The following SCHIP1 variants were observed in gnomAD, a reference collection of about 807,000 sequenced individuals.
The protein encoded by SCHIP1 is schwannomin interacting protein 1.
A neutral mutation model predicts 29.7 loss-of-function variants in SCHIP1; 8 were observed. The ratio of observed to expected loss-of-function variants is 0.27; its 90% CI spans 0.16 to 0.49. The LOEUF is 0.49. Ranked by LOEUF, SCHIP1 falls within the 20% of genes least tolerant of loss-of-function variation. SCHIP1 has a pLI of 0.99. For missense variants in SCHIP1, 193 were observed against 294.6 expected, an observed-to-expected ratio of 0.66 and a Z score of 2.52; for synonymous variants, 76 against 94.9, an observed-to-expected ratio of 0.80 and a Z score of 1.16.
At chr3:159,834,536 C>T in the SCHIP1 span, among the ~76,000 whole-genome samples, 4 of 152,152 alleles carry the variant, frequency 2.6e-5, no homozygotes, top group African/African-American at 9.7e-5. Flanking sequence ...TTGAGGAAAA[C>T]ACTTTGTGTT....
At chr3:159,704,444 A>T in the SCHIP1 span, among the ~76,000 whole-genome samples, 2 of 144,582 alleles carry the variant, frequency 1.4e-5, no homozygotes, top group Admixed American at 1.4e-4. Flanking sequence ...AAAAAAAAAA[A>T]TTGCACTAGA....
the SCHIP1 span, among the ~76,000 whole-genome samples, chr3:159,385,040 T>A: frequency 6.6e-6 from 1 of 152,182 alleles, no homozygotes; most frequent in Non-Finnish European, 1.5e-5. Flanking sequence ...CTATCAATTT[T>A]GTTGATCCTT....
At chr3:159,473,674 G>GAAAAAAAAAAAAAAAAACAAAA in the SCHIP1 span, among the ~76,000 whole-genome samples, 1 of 81,446 alleles carries the variant, frequency 1.2e-5, no homozygotes, top group African/African-American at 4.7e-5. Flanking sequence ...ATGTAACTAC[G>GAAAAAAAAAAAAAAAAACAAAA]AAAAAAAAAA....
the SCHIP1 span, among the ~76,000 whole-genome samples, chr3:159,735,423 T>G: frequency 6.6e-6 from 1 of 151,880 alleles, no homozygotes; most frequent in African/African-American, 2.4e-5. Context: ...GAGATGGGGA[T>G]TTTACCATGT....
At chr3:159,495,747 G>T in the SCHIP1 span, among the ~76,000 whole-genome samples, 1 of 152,086 alleles carries the variant, frequency 6.6e-6, no homozygotes, top group East Asian at 1.9e-4. Context: ...CACAGAATTG[G>T]AAAAAACTAC....
chr3:159,400,482 G>A, the SCHIP1 span, among the ~76,000 whole-genome samples: 1 of 152,160 alleles, frequency 6.6e-6, no homozygotes, highest in African/African-American at 2.4e-5. Context: ...CTGTAAAATT[G>A]TATTATTATC....
At chr3:159,287,151 T>G in the SCHIP1 span, among the ~76,000 whole-genome samples, 1 of 152,104 alleles carries the variant, frequency 6.6e-6, no homozygotes, top group Non-Finnish European at 1.5e-5. Context: ...CCAGGTCCTA[T>G]GTTCAGAATG....
the SCHIP1 span, among the ~76,000 whole-genome samples, chr3:159,830,229 C>G: frequency 3.9e-5 from 6 of 152,174 alleles, no homozygotes; most frequent in Admixed American, 2.0e-4. Flanking sequence ...ATAAATTCTG[C>G]TTTCTCTTTT....
chr3:159,556,832 T>TG, the SCHIP1 span, among the ~76,000 whole-genome samples: 1 of 149,292 alleles, frequency 6.7e-6, no homozygotes, highest in African/African-American at 2.5e-5. Flanking sequence ...GACGAGTTAA[T>TG]GGTGCAGCAC....
chr3:159,452,381 A>G, the SCHIP1 span, among the ~76,000 whole-genome samples: 2 of 152,042 alleles, frequency 1.3e-5, no homozygotes, highest in Non-Finnish European at 1.5e-5. Context: ...ACTCCCACTT[A>G]TAAGTGAGAA....
At chr3:159,885,976 G>T (rs1169970859) in intron 2 of SCHIP1, among the ~76,000 whole-genome samples, 1 of 152,172 alleles carries the variant, frequency 6.6e-6, no homozygotes, top group Non-Finnish European at 1.5e-5. Flanking sequence ...CTAACATGGG[G>T]CCTTAAATTA....
chr3:159,288,634 A>C, the SCHIP1 span, among the ~76,000 whole-genome samples: 1 of 152,204 alleles, frequency 6.6e-6, no homozygotes, highest in Admixed American at 6.5e-5. Context: ...CTACTCAGGA[A>C]GGCTGAGGCA....
the SCHIP1 span, among the ~76,000 whole-genome samples, chr3:159,524,276 T>C: frequency 6.6e-5 from 10 of 152,384 alleles, no homozygotes; most frequent in South Asian, 1.9e-3. Context: ...CAGTGAGTGC[T>C]TATTTCTTCA....
the SCHIP1 span, among the ~76,000 whole-genome samples, chr3:159,650,823 G>C: frequency 6.6e-6 from 1 of 152,122 alleles, no homozygotes; most frequent in Non-Finnish European, 1.5e-5. Context: ...ATGATATTTT[G>C]TTAGGTATGT....
upstream of SCHIP1, among the ~76,000 whole-genome samples, chr3:159,838,079 A>C (rs887209405): frequency 3.3e-5 from 5 of 152,152 alleles, no homozygotes; most frequent in African/African-American, 1.2e-4. Context: ...GAAGCCTCTG[A>C]GGATACCAGG....
the SCHIP1 span, among the ~76,000 whole-genome samples, chr3:159,397,597 T>G: frequency 1.3e-5 from 2 of 152,154 alleles, no homozygotes; most frequent in Non-Finnish European, 2.9e-5. Context: ...GTGTCAATCT[T>G]CCCCTGCTGG....
the SCHIP1 span, among the ~76,000 whole-genome samples, chr3:159,553,185 T>G: frequency 6.6e-6 from 1 of 151,800 alleles, no homozygotes; most frequent in Non-Finnish European, 1.5e-5. Flanking sequence ...TTTAGCCAGA[T>G]TTTGAAAGCA....
intron 6 of SCHIP1, among the ~76,000 whole-genome samples, chr3:159,894,920 G>C (rs1362739125): frequency 6.6e-6 from 1 of 152,150 alleles, no homozygotes; most frequent in Non-Finnish European, 1.5e-5. Flanking sequence ...TGTGCCATCT[G>C]CTCTTCTTTC....
rs570391251 is a variant in SCHIP1 at position 159,892,217 on chromosome 3, G to T, written c.683+27G>T. 4 of 1,613,636 alleles carry T rather than the reference G, an allele frequency of 2.5e-6. No homozygotes were observed. In the Admixed American group the frequency reaches 5.0e-5, roughly 20 times the overall value. ...TCAGTGTGGCTTCACTCTTGCCAAA[G>T]AAGAAAAGCCCAGGGTGGTCTGAAA... On this transcript the variant is annotated intron_variant, in intron 6 of 6. Coordinates refer to ENST00000445224, the Ensembl canonical transcript of SCHIP1.
Sources: allele counts gnomAD v4.1 joint callset (sites outside exome capture counted in the v4.1 genomes callset), GRCh38; gene constraint gnomAD v4.1.1; transcripts MANE v1.5; gene names NCBI Gene and HGNC (gene_info 2026-07-23, HGNC 2026-07-21).